Variants in ELOVL3 observed in about 807,000 individuals in gnomAD.
The protein encoded by ELOVL3 is very long chain fatty acid elongase 3.
ELOVL3 carries 11 observed loss-of-function variants against 14.9 expected under a neutral mutation model. The observed-to-expected ratio is 0.74, with a 90% CI of 0.46 to 1.22. The LOEUF is 1.22. Ranked by LOEUF, ELOVL3 falls within the 50% of genes most tolerant of loss-of-function variation. The pLI is 0.00. For synonymous variants in ELOVL3, 117 were observed against 124.7 expected, an observed-to-expected ratio of 0.94 and a Z score of 0.41; for missense variants, 277 against 338.9, an observed-to-expected ratio of 0.82 and a Z score of 1.43.
chr10:102,228,490 T>C lies in ELOVL3; in HGVS notation c.307T>C (p.Cys103Arg). 5 of 1,614,180 alleles carry C rather than the reference T, an allele frequency of 3.1e-6. 1 individual carries two copies. The highest frequency in any genetic ancestry group is 4.2e-6 in the Non-Finnish European group (5 of 1,180,020). The change falls in exon 3 of 4, where the codon TGC becomes CGC. Residue 103 changes from cysteine (C) to arginine (R), a missense_variant. Physicochemically the swap from Cys to Arg is radical, Grantham distance 180. Transcript: ENST00000370005. Reference protein sequence around the residue: ...LLTGGLKQTVCFINFIDNSTV... With the variant: ...LLTGGLKQTVRFINFIDNSTV... ...TACCGGGGGCCTAAAGCAAACCGTGTGCTTCATCAACTTCATCGATAATTC... is the reference window on the plus strand; with the variant it reads ...TACCGGGGGCCTAAAGCAAACCGTGCGCTTCATCAACTTCATCGATAATTC...
intron 3 of ELOVL3, 122 bp from the exon 4 acceptor site, chr10:102,228,703 C>A (rs1461684750): frequency 7.0e-7 from 1 of 1,420,486 alleles, no homozygotes; most frequent in Non-Finnish European, 9.7e-7. Flanking sequence ...AGCCCCTCTA[C>A]AGATTCTCTG....
intron 1 of ELOVL3, 29 bp downstream of exon 1, chr10:102,226,678 G>A: frequency 6.3e-7 from 1 of 1,576,460 alleles, no homozygotes; most frequent in Non-Finnish European, 8.7e-7. Context: ...GAAAGGCCAT[G>A]CCAGGGCCCC....
chr10:102,224,914 C>T (rs1055373463), upstream of ELOVL3, among the ~76,000 whole-genome samples: 9 of 152,068 alleles, frequency 5.9e-5, no homozygotes, highest in South Asian at 4.1e-4. Flanking sequence ...CTGCCCGCCT[C>T]GGCCTCCCAA....
At chr10:102,228,283 C>A in intron 2 of ELOVL3, 134 bp from the exon 3 acceptor site, 1 of 877,450 alleles carries the variant, frequency 1.1e-6, no homozygotes, top group Non-Finnish European at 1.7e-6. Flanking sequence ...ATCTCAGGAG[C>A]TTTGACCCAC....
chr10:102,226,139 G>A (rs1438590576), upstream of ELOVL3, among the ~76,000 whole-genome samples: 1 of 152,250 alleles, frequency 6.6e-6, no homozygotes, highest in African/African-American at 2.4e-5. Context: ...CGGGAGAAAA[G>A]GCTGGGGAAG....
Position 102,229,383 on chromosome 10 carries a change from G to T in ELOVL3, c.*131G>T. ...CCCCAGAGGATGTGTGCCCCAAGGTGGCTGGAATTTTTGACAGACAAGAAG... is the reference window on the plus strand; with the variant it reads ...CCCCAGAGGATGTGTGCCCCAAGGTTGCTGGAATTTTTGACAGACAAGAAG... On this transcript the variant is annotated 3_prime_UTR_variant, in exon 4 of 4. Coordinates refer to ENST00000370005, the MANE Select transcript of ELOVL3 (RefSeq NM_152310.3). The T allele has an allele frequency of 1.1e-6, 1 of 894,390 alleles. No homozygotes were observed. The allele number at this position is 894,390 out of a possible 1,614,324, so 55.4% of individuals were successfully genotyped here. A position where few individuals can be genotyped will look rare whatever the true frequency, so the allele number is the denominator to read the frequency against.
At chr10:102,225,193 C>G (rs1341856603), upstream of ELOVL3, among the ~76,000 whole-genome samples, 1 of 152,088 alleles carries the variant, frequency 6.6e-6, no homozygotes, top group East Asian at 1.9e-4. Flanking sequence ...GGTAACGTGA[C>G]CAGGTGAGAA....
chr10:102,224,878 T>A (rs2070125339), upstream of ELOVL3, among the ~76,000 whole-genome samples: 1 of 151,996 alleles, frequency 6.6e-6, no homozygotes, highest in Admixed American at 6.6e-5. Context: ...TTAGCCAGGA[T>A]GGTCTCGATC....
chr10:102,224,904 C>T (rs2070125525), upstream of ELOVL3, among the ~76,000 whole-genome samples: 1 of 152,108 alleles, frequency 6.6e-6, no homozygotes, highest in Admixed American at 6.5e-5. Flanking sequence ...ACCTCATGAT[C>T]TGCCCGCCTC....
chr10:102,226,751 A>G, intron 1 of ELOVL3, 102 bp downstream of exon 1: 1 of 799,586 alleles, frequency 1.3e-6, no homozygotes, highest in Non-Finnish European at 2.1e-6. Flanking sequence ...GAGCAGAGTT[A>G]TGGGACTCCC....
intron 1 of ELOVL3, among the ~76,000 whole-genome samples, chr10:102,227,060 TC>T (rs2070141956): frequency 6.6e-6 from 1 of 152,134 alleles, no homozygotes; most frequent in African/African-American, 2.4e-5. Flanking sequence ...GCTCCACCGT[TC>T]CTGCTGTGGA....
chr10:102,228,627 C>T, intron 3 of ELOVL3, 59 bp downstream of exon 3: 1 of 1,586,826 alleles, frequency 6.3e-7, no homozygotes. Context: ...CCTCAGGGCC[C>T]TCCCTTCACC....
Position 102,228,449 on chromosome 10 carries a change from T to C in ELOVL3, c.266T>C (p.Met89Thr). The C allele has an allele frequency of 2.5e-6, 4 of 1,614,138 alleles. No homozygotes were observed. Among genetic ancestry groups the C allele is most frequent in the Non-Finnish European group, 3.4e-6 (4 of 1,180,016 alleles). The change falls in exon 3 of 4, where the codon ATG (methionine) becomes ACG (threonine). Residue 89 changes from methionine to threonine, a missense_variant. Transcript: ENST00000370005. Reference protein sequence around the residue: ...ILGAVRMWGIMGTVLLTGGLK... With the variant: ...ILGAVRMWGITGTVLLTGGLK... ...GGGGCAGTGAGGATGTGGGGCATTA[T>C]GGGGACTGTGCTACTTACCGGGGGC...
intron 1 of ELOVL3, 44 bp from the exon 2 acceptor site, chr10:102,227,582 C>T (rs745575714): frequency 4.4e-6 from 7 of 1,589,406 alleles, no homozygotes; most frequent in Non-Finnish European, 5.1e-6. Context: ...TTTCTCTAAT[C>T]AGCACCCACC....
Position 102,229,203 on chromosome 10 carries a change from G to T in ELOVL3, c.764G>T (p.Cys255Phe), listed in dbSNP as rs2070174074. 11 of 1,613,810 alleles carry T rather than the reference G, an allele frequency of 6.8e-6. No homozygotes were observed. The East Asian group carries it at 2.2e-4, about 33-fold the overall frequency. Residue 255 changes from cysteine to phenylalanine, a missense_variant, in exon 4 of 4, where the codon TGC becomes TTC. Transcript: ENST00000370005. The stretch of plus-strand genomic sequence containing the variant: ...TTCATCCTCTTTGCCCACTTCTTCT[G>T]CCAGACCTACATCAGGCCCAAGGTC... ...TYFILFAHFF[C>F]QTYIRPKVKA...
At chr10:102,228,396 T>C (rs2070157597) in intron 2 of ELOVL3, 21 bp from the exon 3 acceptor site, 3 of 1,611,288 alleles carry the variant, frequency 1.9e-6, no homozygotes, top group Non-Finnish European at 2.5e-6. Context: ...ACTTACACCA[T>C]CTTCCTTTGT....
At chr10:102,226,674 C>T (rs377348907) in intron 1 of ELOVL3, 25 bp downstream of exon 1, 4 of 1,580,398 alleles carry the variant, frequency 2.5e-6, no homozygotes, top group African/African-American at 1.3e-5. Context: ...GAGGGAAAGG[C>T]CATGCCAGGG....
Position 102,228,406 on chromosome 10 carries a change from T to C in ELOVL3, c.234-11T>C. ...ATGACACTTACACCATCTTCCTTTGTCCCATTTCAGTATCCTGGGGGCAGT... is the reference window on the plus strand; with the variant it reads ...ATGACACTTACACCATCTTCCTTTGCCCCATTTCAGTATCCTGGGGGCAGT... On this transcript the variant is annotated splice_polypyrimidine_tract_variant and intron_variant, in intron 2 of 3. Coordinates refer to ENST00000370005, the MANE Select transcript of ELOVL3 (RefSeq NM_152310.3). 6.2e-7 allele frequency: 1 copy of C among 1,613,196 alleles called. No homozygotes were observed. The highest frequency in any genetic ancestry group is 8.5e-7 in the Non-Finnish European group (1 of 1,179,424).
rs141188119 is a variant in ELOVL3, at chr10:102,226,625, T to C, written c.77T>C (p.Met26Thr). 106 of 1,613,764 alleles carry C rather than the reference T, an allele frequency of 6.6e-5. No homozygotes were observed. Among genetic ancestry groups the C allele is most frequent in the Non-Finnish European group, 8.7e-5 (103 of 1,179,880 alleles). The change falls in exon 1 of 4, where the codon ATG becomes ACG. Residue 26 changes from methionine (M) to threonine (T), a missense_variant. Transcript: ENST00000370005. ...TATAACTTCGAGCTGTCCAAGGACA[T>C]GAGGCCCTTTTTCGAGGAGTATTGG... ...QPYNFELSKD[M>T]RPFFEEYWAT...
Sources: gnomAD v4.1 joint callset for allele counts (sites outside exome capture counted in the v4.1 genomes callset) on GRCh38, gnomAD v4.1.1 for gene constraint, MANE v1.5 for transcripts, NCBI Gene and HGNC (gene_info 2026-07-23, HGNC 2026-07-21) for gene names.